The following ZFHX3 variants were observed in gnomAD, a reference collection of about 807,000 sequenced individuals.
ZFHX3 encodes zinc finger homeobox 3, also known as zinc finger homeobox protein 3.
Under a neutral mutation model 279.1 loss-of-function variants are expected in ZFHX3, and 42 were observed. The observed-to-expected ratio is 0.15, with a 90% CI of 0.12 to 0.19. The LOEUF is 0.19. ZFHX3 is among the 10% of genes least tolerant of loss of function. The pLI is 1.00. For synonymous variants in ZFHX3, 2,293 were observed against 1,957.8 expected, an observed-to-expected ratio of 1.17 and a Z score of -4.52; for missense variants, 4,981 against 4,754.0, an observed-to-expected ratio of 1.05 and a Z score of -1.40.
chr16:73,778,760 C>G (rs573646753), intron 1 of ZFHX3, among the ~76,000 whole-genome samples: 1 of 152,144 alleles, frequency 6.6e-6, no homozygotes, highest in Non-Finnish European at 1.5e-5. Context: ...AATGGTAAGA[C>G]GGCAATGCAG....
chr16:73,699,542 A>G (rs2053228252), intron 1 of ZFHX3, among the ~76,000 whole-genome samples: 1 of 152,186 alleles, frequency 6.6e-6, no homozygotes, highest in African/African-American at 2.4e-5. Context: ...GTCAATATCT[A>G]TCCAGGGAAA....
rs188359374 is a variant in ZFHX3 at position 73,377,816 on chromosome 16, G to A, written c.-1290-59480C>T. ...TGGGAGGCTGAGGCGGGCAGATCACGAGGTCAGGAGATTGAGATCATCCTG... is the reference window on the plus strand; with the variant it reads ...TGGGAGGCTGAGGCGGGCAGATCACAAGGTCAGGAGATTGAGATCATCCTG... On this transcript the variant is annotated intron_variant, in intron 3 of 17. Coordinates refer to the ZFHX3 transcript ENST00000641206. 1.3e-3 allele frequency among the ~76,000 whole-genome samples: 203 copies of A among 151,272 alleles called. No homozygotes were observed. In the Middle Eastern group the frequency reaches 0.014, roughly 10 times the overall value.
intron 2 of ZFHX3, among the ~76,000 whole-genome samples, chr16:72,952,285 T>G (rs1961036887): frequency 6.6e-6 from 1 of 152,156 alleles, no homozygotes; most frequent in Admixed American, 6.5e-5. Context: ...ATCCCTCTAC[T>G]CCTCACTGCT....
At chr16:73,835,284 C>A (rs35512997) in intron 1 of ZFHX3, among the ~76,000 whole-genome samples, 1 of 152,028 alleles carries the variant, frequency 6.6e-6, no homozygotes, top group South Asian at 2.1e-4. Context: ...ACATGTCTCT[C>A]TCTAGCTTTG....
chr16:73,378,858 C>T (rs1315565849), intron 3 of ZFHX3, among the ~76,000 whole-genome samples: 1 of 152,190 alleles, frequency 6.6e-6, no homozygotes, highest in African/African-American at 2.4e-5. Flanking sequence ...GGGAGAATAT[C>T]ACCTCTGACC....
At position 73,520,957 on chromosome 16, in the gene ZFHX3, G is replaced by C. The variant is rs143785650; in HGVS notation, c.-1546-64699C>G. On this transcript the variant is annotated intron_variant, in intron 2 of 17. Coordinates refer to the ZFHX3 transcript ENST00000641206. ...TATAAACTCTCAAGCAAGTTAGAGG[G>C]ACCAGGAAAACTATCACAAAACACG... Among the ~76,000 whole-genome samples, 67 of 152,288 alleles carry C rather than the reference G, an allele frequency of 4.4e-4. 1 individual carries two copies. In the East Asian group the frequency reaches 0.012, roughly 28 times the overall value.
intron 1 of ZFHX3, among the ~76,000 whole-genome samples, chr16:73,882,460 G>C (rs1742804048): frequency 6.7e-6 from 1 of 150,138 alleles, no homozygotes; most frequent in African/African-American, 2.4e-5. Context: ...AGCTTTTAAA[G>C]TTTTTTTTTT....
At chr16:73,631,322 A>G (rs2052466749) in intron 2 of ZFHX3, among the ~76,000 whole-genome samples, 1 of 152,222 alleles carries the variant, frequency 6.6e-6, no homozygotes. Flanking sequence ...GAAATGTAGC[A>G]TACACTGCTT....
chr16:72,829,642 A>C, intron 5 of ZFHX3, 137 bp downstream of exon 5: 1 of 859,110 alleles, frequency 1.2e-6, no homozygotes, highest in Non-Finnish European at 1.9e-6. Flanking sequence ...TCTCCCTCCC[A>C]CTCATCCTTT....
intron 1 of ZFHX3, among the ~76,000 whole-genome samples, chr16:72,971,878 ATTTTTTTTTTTTTT>A (rs34508228): frequency 2.1e-5 from 2 of 95,468 alleles, no homozygotes; most frequent in South Asian, 3.8e-4. Context: ...CTGCCTATTA[ATTTTTTTTTTTTTT>A]TTTTTTTTTT....
chr16:72,800,735 A>T (rs1567521526), intron 7 of ZFHX3, among the ~76,000 whole-genome samples: 1 of 150,146 alleles, frequency 6.7e-6, no homozygotes. Flanking sequence ...AGCACAAACA[A>T]GCCTTTTTTT....
chr16:73,056,730 CA>C (rs1477299659), intron 1 of ZFHX3, among the ~76,000 whole-genome samples: 2 of 152,176 alleles, frequency 1.3e-5, no homozygotes, highest in Non-Finnish European at 2.9e-5. Context: ...TAGAAATTTA[CA>C]GTAAATGTAG....
At chr16:73,215,730 T>A (rs2012181563) in intron 5 of ZFHX3, among the ~76,000 whole-genome samples, 2 of 152,226 alleles carry the variant, frequency 1.3e-5, no homozygotes, top group African/African-American at 2.4e-5. Flanking sequence ...CCTCTGTGTA[T>A]AAGAATTATT....
At chr16:73,031,220 A>T (rs1223252835) in intron 1 of ZFHX3, among the ~76,000 whole-genome samples, 2 of 152,226 alleles carry the variant, frequency 1.3e-5, no homozygotes, top group Non-Finnish European at 2.9e-5. Flanking sequence ...ACAAATAATT[A>T]ATCTTCGTTT....
At chr16:72,956,831 C>CAAAAAA (rs11402709) in intron 2 of ZFHX3, among the ~76,000 whole-genome samples, 1 of 148,360 alleles carries the variant, frequency 6.7e-6, no homozygotes, top group Non-Finnish European at 1.5e-5. Context: ...CAAAAATAAG[C>CAAAAAA]AAAAAAAAAA....
intron 5 of ZFHX3, among the ~76,000 whole-genome samples, chr16:73,253,868 G>A (rs28542674): frequency 0.28 from 43,018 of 151,878 alleles, 7,088 homozygotes; most frequent in African/African-American, 0.45. Flanking sequence ...AGAGGGAGAA[G>A]GAGTTAAGGT....
chr16:73,092,796 G>T, intron 8 of ZFHX3: 3 of 389,058 alleles, frequency 7.7e-6, no homozygotes, highest in East Asian at 1.3e-4. Context: ...GTTGCTTGGG[G>T]CATCCTGTGC....
intron 7 of ZFHX3, among the ~76,000 whole-genome samples, chr16:73,121,828 G>C (rs1039377174): frequency 1.3e-5 from 2 of 151,936 alleles, no homozygotes; most frequent in African/African-American, 4.8e-5. Flanking sequence ...TGTTAGTCCG[G>C]ATGGTCTGTA....
chr16:73,462,010 C>T (rs973003337), intron 2 of ZFHX3, among the ~76,000 whole-genome samples: 3 of 152,148 alleles, frequency 2.0e-5, no homozygotes, highest in Admixed American at 6.5e-5. Context: ...GAATGTCTCT[C>T]CATTTATTCA....
Sources: allele counts gnomAD v4.1 joint callset (sites outside exome capture counted in the v4.1 genomes callset), GRCh38; gene constraint gnomAD v4.1.1; transcripts MANE v1.5; gene names NCBI Gene and HGNC (gene_info 2026-07-23, HGNC 2026-07-21).